The following ODF2L variants were observed in gnomAD, a reference collection of about 807,000 sequenced individuals.
The protein encoded by ODF2L is protein BCAP.
In ODF2L, 76 loss-of-function variants were observed where a neutral mutation model predicts 86.3. The observed-to-expected ratio is 0.88, with a 90% CI of 0.73 to 1.07. The LOEUF is 1.07. Among genes scored for constraint, ODF2L ranks in the 50% least tolerant of loss-of-function variants. The pLI is 0.00. For missense variants in ODF2L, 748 were observed against 717.4 expected, an observed-to-expected ratio of 1.04 and a Z score of -0.49; for synonymous variants, 241 against 231.3, an observed-to-expected ratio of 1.04 and a Z score of -0.38.
rs190275672 is a variant in ODF2L at position 86,351,747 on chromosome 1, T to C, written c.*444A>G. Reference sequence around the variant, plus strand: ...TAAGCATGGAATGTTTTCCATTTGTTTGTGTCCTCTCTTATTTCCTTAAGC... The same window carrying C: ...TAAGCATGGAATGTTTTCCATTTGTCTGTGTCCTCTCTTATTTCCTTAAGC... On this transcript the variant is annotated 3_prime_UTR_variant, in exon 18 of 18. Coordinates refer to ENST00000317336, the Ensembl canonical transcript of ODF2L. The C allele has an allele frequency of 1.8e-5, 4 of 225,476 alleles. No individual in the cohort carries two copies. In the East Asian group the frequency reaches 5.4e-4, roughly 31 times the overall value. The allele number at this position is 225,476 out of a possible 1,614,324, so 14.0% of individuals were successfully genotyped here.
At chr1:86,360,788 A>G (rs1658979633) in intron 11 of ODF2L, 1 of 233,156 alleles carries the variant, frequency 4.3e-6, no homozygotes, top group Non-Finnish European at 8.1e-6. Flanking sequence ...AAAAACTTGG[A>G]AATGTGCCTA....
intron 1 of ODF2L, among the ~76,000 whole-genome samples, chr1:86,388,665 T>C (rs918592302): frequency 2.6e-5 from 4 of 152,066 alleles, no homozygotes; most frequent in Admixed American, 2.0e-4. Context: ...TAAAAAACAA[T>C]GTAAGAAGAT....
intron 11 of ODF2L, among the ~76,000 whole-genome samples, chr1:86,362,538 A>G (rs968849056): frequency 6.6e-6 from 1 of 152,088 alleles, no homozygotes; most frequent in Non-Finnish European, 1.5e-5. Flanking sequence ...CGATCCTCCC[A>G]CATTGCCTTC....
At chr1:86,356,691 G>T (rs1040566822) in intron 13 of ODF2L, 89 bp from the exon 13 acceptor site, 1 of 1,108,520 alleles carries the variant, frequency 9.0e-7, no homozygotes, top group South Asian at 2.1e-5. Context: ...TGCTTATAAC[G>T]TAAGTATTTT....
intron 7 of ODF2L, among the ~76,000 whole-genome samples, chr1:86,377,618 A>G (rs961662371): frequency 2.6e-5 from 4 of 152,174 alleles, no homozygotes; most frequent in Admixed American, 6.5e-5. Context: ...CCAAGCCTCA[A>G]TTCTTGACTT....
chr1:86,375,605 G>C (rs965755277), intron 8 of ODF2L, among the ~76,000 whole-genome samples: 1 of 152,040 alleles, frequency 6.6e-6, no homozygotes. Context: ...AAAGCACTAA[G>C]GCCATTTTCA....
rs1164872404 is a variant in ODF2L, at chr1:86,374,556, T to C, written c.810+1677A>G. 2.0e-5 allele frequency among the ~76,000 whole-genome samples: 3 copies of C among 152,202 alleles called. 1 individual carries two copies. The highest frequency in any genetic ancestry group is 4.8e-5 in the African/African-American group (2 of 41,450). On this transcript the variant is annotated intron_variant, in intron 8 of 17. Transcript: ENST00000317336. ...GTTAATTCTTCAGTGTGCAGAATTA[T>C]AGAGCATTTAACATCCTGGCCCCTA...
chr1:86,357,850 G>A lies in ODF2L; in HGVS notation c.1359+937C>T. ...CCAACCCTTTCCGTCATTTGAACAG[G>A]ATTGTAAAATATGCTTTTATTTACA... On this transcript the variant is annotated intron_variant, in intron 13 of 17. Transcript: ENST00000317336. 4.1e-6 allele frequency: 4 copies of A among 985,294 alleles called. No individual in the cohort carries two copies. In the South Asian group the frequency reaches 1.9e-4, roughly 46 times the overall value. 61.0% of individuals were successfully genotyped at this position (985,294 alleles called of 1,614,324 possible). A position where few individuals can be genotyped will look rare whatever the true frequency, so the allele number is the denominator to read the frequency against.
At chr1:86,350,646 T>G (rs1034391081) in exon 18 of ODF2L, 2 of 152,342 alleles carry the variant, frequency 1.3e-5, no homozygotes, top group Middle Eastern at 6.8e-3. Context: ...CAAATGGTAT[T>G]TCTGGTTCTA....
intron 10 of ODF2L, among the ~76,000 whole-genome samples, chr1:86,370,597 G>GTC (rs1026002368): frequency 6.6e-6 from 1 of 151,950 alleles, no homozygotes; most frequent in African/African-American, 2.4e-5. Context: ...CTTCTCCCCT[G>GTC]TCTCTCCTCT....
In ODF2L at chr1:86,372,548, A is replaced by G. The variant is rs1310708889; in HGVS notation, c.811-8T>C. The G allele has an allele frequency of 1.4e-6, 2 of 1,412,572 alleles. No individual in the cohort carries two copies. The highest frequency in any genetic ancestry group is 2.6e-5 in the East Asian group (1 of 39,028). 87.5% of individuals were successfully genotyped at this position (1,412,572 alleles called of 1,614,324 possible). The stretch of plus-strand genomic sequence containing the variant: ...TTCAGACAACTTGGCTTCCTAAAAA[A>G]TACATAAAAGTATTCATACTATAAT... On this transcript the variant is annotated splice_polypyrimidine_tract_variant and splice_region_variant and intron_variant, in intron 8 of 17. Transcript: ENST00000317336.
intron 1 of ODF2L, among the ~76,000 whole-genome samples, chr1:86,388,440 C>T (rs1317387661): frequency 6.6e-6 from 1 of 152,000 alleles, no homozygotes; most frequent in East Asian, 1.9e-4. Context: ...TCTCTGTGGA[C>T]TGGAATCTCA....
chr1:86,357,105 C>T (rs1238670887), intron 13 of ODF2L, among the ~76,000 whole-genome samples: 3 of 152,190 alleles, frequency 2.0e-5, no homozygotes, highest in Non-Finnish European at 4.4e-5. Flanking sequence ...CATCAGTTCT[C>T]ACTTGCCTTT....
At chr1:86,386,737 A>G in intron 2 of ODF2L, 178 bp downstream of exon 2, 1 of 417,742 alleles carries the variant, frequency 2.4e-6, no homozygotes, top group Non-Finnish European at 4.2e-6. Context: ...AACTAGTTGA[A>G]TTCTGCTAGA....
intron 7 of ODF2L, 191 bp downstream of exon 7, chr1:86,382,051 T>A: frequency 2.9e-6 from 2 of 694,740 alleles, no homozygotes; most frequent in Non-Finnish European, 4.0e-6. Flanking sequence ...AGAGACAGCA[T>A]TTTTATGTTG....
intron 13 of ODF2L, chr1:86,357,958 G>A (rs928287191): frequency 1.4e-5 from 14 of 985,176 alleles, no homozygotes; most frequent in East Asian, 1.1e-4. Context: ...TGGTTTATTC[G>A]CTGGCCTGCT....
chr1:86,359,519 C>CTT (rs5775904), intron 12 of ODF2L, among the ~76,000 whole-genome samples: 54 of 95,100 alleles, frequency 5.7e-4, no homozygotes, highest in Admixed American at 8.0e-4. Flanking sequence ...TTAGTTCATT[C>CTT]TTTTTTTTTT....
exon 14 of ODF2L, chr1:86,356,501 C>A: frequency 6.2e-7 from 1 of 1,614,088 alleles, no homozygotes; most frequent in Non-Finnish European, 8.5e-7. Flanking sequence ...CCTTGCAGCA[C>A]TGCAGACTCT....
At chr1:86,382,033 T>A in intron 7 of ODF2L, 1 of 481,978 alleles carries the variant, frequency 2.1e-6, no homozygotes. Flanking sequence ...CCTAGATTGG[T>A]ATTAAACAGA....
Sources: allele counts gnomAD v4.1 joint callset (sites outside exome capture counted in the v4.1 genomes callset), GRCh38; gene constraint gnomAD v4.1.1; transcripts MANE v1.5; gene names NCBI Gene and HGNC (gene_info 2026-07-23, HGNC 2026-07-21).